TAFA2: variants seen among roughly 807,000 people sequenced by gnomAD.
TAFA2 encodes chemokine-like protein TAFA-2.
TAFA2 carries 7 observed loss-of-function variants against 18.8 expected under a neutral mutation model. That is an observed-to-expected ratio of 0.37 (90% CI 0.21 to 0.70). The LOEUF is 0.70. TAFA2 is among the 30% of genes least tolerant of loss of function. The probability of loss-of-function intolerance (pLI) is 0.53; values close to 1 mark genes in which losing one functional copy is unlikely to be tolerated. For missense variants in TAFA2, 122 were observed against 158.1 expected (o/e 0.77, Z 1.23); for synonymous variants, 60 against 54.2 (o/e 1.11, Z -0.47).
intron 1 of TAFA2, among the ~76,000 whole-genome samples, chr12:62,004,745 A>T (rs1472932190): frequency 6.6e-6 from 1 of 152,122 alleles, no homozygotes; most frequent in Admixed American, 6.5e-5. Flanking sequence ...TCATTGCAGC[A>T]TTATTCATAA....
intron 1 of TAFA2, among the ~76,000 whole-genome samples, chr12:61,907,907 G>A (rs1204466722): frequency 6.6e-6 from 1 of 152,164 alleles, no homozygotes; most frequent in Non-Finnish European, 1.5e-5. Context: ...TTTTGGGCTT[G>A]CATGAGGCCT....
chr12:61,797,438 C>T (rs1243432189), intron 2 of TAFA2, among the ~76,000 whole-genome samples: 2 of 152,190 alleles, frequency 1.3e-5, no homozygotes, highest in East Asian at 1.9e-4. Context: ...CAAACAGTCC[C>T]GGGATACTGC....
intron 4 of TAFA2, among the ~76,000 whole-genome samples, chr12:61,728,292 T>G (rs1481090177): frequency 6.6e-6 from 1 of 152,096 alleles, no homozygotes; most frequent in African/African-American, 2.4e-5. Flanking sequence ...ACTTTCTGTC[T>G]TAATGACCTG....
chr12:62,153,409 T>C (rs2062343374), intron 1 of TAFA2, among the ~76,000 whole-genome samples: 1 of 152,140 alleles, frequency 6.6e-6, no homozygotes, highest in Admixed American at 6.5e-5. Context: ...ACACCTGTAA[T>C]CCCAGCACTT....
intron 1 of TAFA2, among the ~76,000 whole-genome samples, chr12:62,086,458 C>T (rs1031742447): frequency 6.6e-6 from 1 of 152,022 alleles, no homozygotes; most frequent in African/African-American, 2.4e-5. Flanking sequence ...AACAACAAAC[C>T]AACCATCCAA....
rs981865489 is a variant in TAFA2, at chr12:62,097,208, TA to T, written c.-2+94050del. Among the ~76,000 whole-genome samples the T allele has an allele frequency of 1.4e-3, 206 of 152,256 alleles. 2 individuals are homozygous for T. The highest frequency in any genetic ancestry group is 6.5e-4 in the Non-Finnish European group (44 of 68,012). On this transcript the variant is annotated intron_variant, in intron 1 of 4. Transcript: ENST00000416284. ...CTTAAAATGCAGAGTAGACAGATGT[TA>T]AACAAACAAATATAGCATTAGAACT...
intron 2 of TAFA2, among the ~76,000 whole-genome samples, chr12:61,850,769 C>T (rs11174198): frequency 6.6e-6 from 1 of 151,874 alleles, no homozygotes; most frequent in African/African-American, 2.4e-5. Flanking sequence ...TATGCAATAC[C>T]TCACCCTCAA....
chr12:61,887,509 G>A, intron 1 of TAFA2, among the ~76,000 whole-genome samples: 1 of 150,654 alleles, frequency 6.6e-6, no homozygotes, highest in East Asian at 2.0e-4. Context: ...ACGTATACAT[G>A]TGCCATGCTG....
chr12:61,858,262 T>C (rs1007572623), intron 2 of TAFA2, among the ~76,000 whole-genome samples: 3 of 152,174 alleles, frequency 2.0e-5, no homozygotes, highest in African/African-American at 7.2e-5. Context: ...TTATTTCTTT[T>C]CCAGCCCATT....
intron 1 of TAFA2, among the ~76,000 whole-genome samples, chr12:62,205,007 T>C (rs1450759580): frequency 2.0e-5 from 3 of 152,238 alleles, no homozygotes; most frequent in Admixed American, 2.0e-4. Flanking sequence ...GGATGGGTTT[T>C]TATGGGGACA....
chr12:61,831,618 C>T (rs1872723204), intron 2 of TAFA2, among the ~76,000 whole-genome samples: 1 of 152,130 alleles, frequency 6.6e-6, no homozygotes, highest in Admixed American at 6.6e-5. Context: ...TTCTGGAAGA[C>T]TGGCTTTCCC....
At chr12:62,230,902 C>T (rs2136983846) in intron 1 of TAFA2, among the ~76,000 whole-genome samples, 1 of 152,264 alleles carries the variant, frequency 6.6e-6, no homozygotes, top group East Asian at 1.9e-4. Context: ...TCTTGAACTC[C>T]TGGGCTCAAG....
chr12:61,803,544 G>A (rs1025883107), intron 2 of TAFA2, among the ~76,000 whole-genome samples: 2 of 151,804 alleles, frequency 1.3e-5, no homozygotes, highest in Non-Finnish European at 1.5e-5. Flanking sequence ...TACAGCTTAT[G>A]GATTAAAAAT....
intron 2 of TAFA2, among the ~76,000 whole-genome samples, chr12:61,863,473 G>A (rs962180418): frequency 2.6e-5 from 4 of 152,156 alleles, no homozygotes; most frequent in African/African-American, 4.8e-5. Context: ...GAGTAGAAGT[G>A]CTAGCAAAAA....
chr12:62,089,577 C>T (rs1029976147), intron 1 of TAFA2, among the ~76,000 whole-genome samples: 2 of 151,590 alleles, frequency 1.3e-5, no homozygotes, highest in African/African-American at 2.4e-5. Context: ...AGAAAGGGAG[C>T]GAGCGAGGGA....
intron 1 of TAFA2, among the ~76,000 whole-genome samples, chr12:61,952,159 T>C (rs1355902293): frequency 6.6e-6 from 1 of 152,072 alleles, no homozygotes; most frequent in African/African-American, 2.4e-5. Flanking sequence ...TCTGTTTAGG[T>C]GATGACTGAA....
At chr12:62,228,750 G>A (rs1394861428) in intron 1 of TAFA2, among the ~76,000 whole-genome samples, 1 of 152,092 alleles carries the variant, frequency 6.6e-6, no homozygotes, top group African/African-American at 2.4e-5. Context: ...TTTTTTCTGT[G>A]AAGAATGTCA....
intron 1 of TAFA2, among the ~76,000 whole-genome samples, chr12:61,998,422 G>A (rs532557204): frequency 9.9e-5 from 15 of 152,100 alleles, no homozygotes; most frequent in Admixed American, 2.0e-4. Context: ...GAGCCTAGAC[G>A]TAAAAATGCA....
At chr12:62,066,318 G>A (rs950176439) in intron 1 of TAFA2, among the ~76,000 whole-genome samples, 2 of 151,694 alleles carry the variant, frequency 1.3e-5, no homozygotes, top group Admixed American at 1.3e-4. Flanking sequence ...ATTCTTAAGT[G>A]TCCTTTTAAG....
Sources: allele counts gnomAD v4.1 joint callset (sites outside exome capture counted in the v4.1 genomes callset), GRCh38; gene constraint gnomAD v4.1.1; transcripts MANE v1.5; gene names NCBI Gene and HGNC (gene_info 2026-07-23, HGNC 2026-07-21).